Variants in RSBN1 observed in about 807,000 individuals in gnomAD.
The protein encoded by RSBN1 is round spermatid basic protein 1, also known as lysine-specific demethylase 9.
Under a neutral mutation model 74.8 loss-of-function variants are expected in RSBN1, and 23 were observed. That is an observed-to-expected ratio of 0.31 (90% CI 0.22 to 0.44). The LOEUF is 0.44. Among genes scored for constraint, RSBN1 ranks in the 20% least tolerant of loss-of-function variants. The pLI is 1.00. For missense variants in RSBN1, 808 were observed against 1,020.9 expected, an observed-to-expected ratio of 0.79 and a Z score of 2.84; for synonymous variants, 407 against 379.6, an observed-to-expected ratio of 1.07 and a Z score of -0.84.
chr1:113,801,963 CTTT>C (rs575070721), intron 1 of RSBN1, among the ~76,000 whole-genome samples: 1 of 144,428 alleles, frequency 6.9e-6, no homozygotes. Flanking sequence ...TTATTAAGTT[CTTT>C]TTTTTTTTTT....
chr1:113,793,181 A>C (rs975296869), intron 2 of RSBN1, among the ~76,000 whole-genome samples: 12 of 152,206 alleles, frequency 7.9e-5, no homozygotes, highest in Non-Finnish European at 1.5e-4. Flanking sequence ...ATTCTGATTC[A>C]GAAAATCTGG....
chr1:113,811,413 C>A (rs972191853), intron 1 of RSBN1, among the ~76,000 whole-genome samples: 4 of 152,122 alleles, frequency 2.6e-5, no homozygotes, highest in Non-Finnish European at 5.9e-5. Context: ...TTTTAGTACC[C>A]CACCTACTAA....
At chr1:113,779,852 C>T (rs1660102487) in intron 2 of RSBN1, among the ~76,000 whole-genome samples, 1 of 150,402 alleles carries the variant, frequency 6.6e-6, no homozygotes, top group African/African-American at 2.4e-5. Context: ...GAAATCCCGT[C>T]TCTACTAAAA....
chr1:113,794,097 C>A (rs142322501), intron 2 of RSBN1, among the ~76,000 whole-genome samples: 1 of 152,192 alleles, frequency 6.6e-6, no homozygotes, highest in Non-Finnish European at 1.5e-5. Flanking sequence ...TGACCAGCAT[C>A]GCCATCCACC....
Position 113,779,981 on chromosome 1 carries a change from C to A in RSBN1, c.1378-2173G>T, listed in dbSNP as rs1021202591. ...TTTGCAGTGAGCCAAGATCGTGCCA[C>A]TGCACTCCAGCCTGGGCGACAGGGC... On this transcript the variant is annotated intron_variant, in intron 2 of 6. Coordinates refer to ENST00000261441, the MANE Select transcript of RSBN1 (RefSeq NM_018364.5). 7.9e-5 allele frequency among the ~76,000 whole-genome samples: 12 copies of A among 151,942 alleles called. No homozygotes were observed. In the Middle Eastern group the frequency reaches 0.01, roughly 129 times the overall value.
Position 113,797,771 on chromosome 1 carries a change from A to G in RSBN1, c.969T>C (p.Gly323=). 1 of 1,614,108 alleles carries G rather than the reference A, an allele frequency of 6.2e-7. No homozygotes were observed. Among genetic ancestry groups the G allele is most frequent in the Non-Finnish European group, 8.5e-7 (1 of 1,179,992 alleles). ...CCTGGGGTACCCGATATTCTTGCAT[A>G]CCCAAATTTAATCGGCACAGCTGTT... ...KDEQLCRLNL[G]MQEYRVPQGV... The change falls in exon 2 of 7, where the codon GGT becomes GGC. Residue 323 remains glycine, a synonymous_variant. Coordinates refer to ENST00000261441, the MANE Select transcript of RSBN1 (RefSeq NM_018364.5).
rs552112876 is a variant in RSBN1 at position 113,773,173 on chromosome 1, TA to T, written c.1658+4036del. On this transcript the variant is annotated intron_variant, in intron 4 of 6. Transcript: ENST00000261441. ...AAATAGAAACATGTATAAAGGAAAT[TA>T]AAAGGAAATCACCAAAGACAAAATA... is the stretch of plus-strand genomic sequence containing the variant. Among the ~76,000 whole-genome samples the T allele has an allele frequency of 1.0e-3, 157 of 152,048 alleles. 2 individuals carry two copies. In the South Asian group the frequency reaches 0.032, roughly 31 times the overall value.
chr1:113,776,965 G>A (rs1483778575), intron 4 of RSBN1, among the ~76,000 whole-genome samples: 2 of 152,154 alleles, frequency 1.3e-5, no homozygotes, highest in East Asian at 3.8e-4. Context: ...ACACTAAGGG[G>A]TTTGATCTTT....
chr1:113,807,395 T>C (rs1486907117), intron 1 of RSBN1, among the ~76,000 whole-genome samples: 1 of 143,996 alleles, frequency 6.9e-6, no homozygotes, highest in Non-Finnish European at 1.5e-5. Flanking sequence ...TGGGAGAAAA[T>C]ATGTGCAAAC....
chr1:113,778,985 A>G (rs187506716), intron 2 of RSBN1, among the ~76,000 whole-genome samples: 1 of 152,226 alleles, frequency 6.6e-6, no homozygotes, highest in East Asian at 1.9e-4. Flanking sequence ...GTAATCTCCA[A>G]TTTAGAGTTT....
intron 4 of RSBN1, among the ~76,000 whole-genome samples, chr1:113,774,969 A>C (rs1261876361): frequency 2.0e-5 from 3 of 152,222 alleles, no homozygotes; most frequent in African/African-American, 4.8e-5. Context: ...ATTTTGTAAA[A>C]AGATTATTTA....
chr1:113,802,351 A>C (rs1195653635), intron 1 of RSBN1, among the ~76,000 whole-genome samples: 1 of 152,156 alleles, frequency 6.6e-6, no homozygotes, highest in Non-Finnish European at 1.5e-5. Flanking sequence ...GTTCGTAAAA[A>C]TCACAGTAGA....
chr1:113,779,653 C>T (rs1341236807), intron 2 of RSBN1, among the ~76,000 whole-genome samples: 1 of 152,170 alleles, frequency 6.6e-6, no homozygotes, highest in Non-Finnish European at 1.5e-5. Context: ...CCTTTCTAAG[C>T]ACTCTAAAAC....
At chr1:113,805,541 A>C (rs574301252) in intron 1 of RSBN1, among the ~76,000 whole-genome samples, 2 of 152,354 alleles carry the variant, frequency 1.3e-5, no homozygotes, top group Admixed American at 6.5e-5. Context: ...GCATAGCAGA[A>C]AGAGAGGTCA....
chr1:113,776,810 C>CAAAAA (rs58152175), intron 4 of RSBN1, among the ~76,000 whole-genome samples: 1 of 90,258 alleles, frequency 1.1e-5, no homozygotes, highest in Admixed American at 1.3e-4. Flanking sequence ...GACCCTATCT[C>CAAAAA]AAAAAAAAAA....
At chr1:113,784,121 A>C (rs576359467) in intron 2 of RSBN1, among the ~76,000 whole-genome samples, 11 of 152,328 alleles carry the variant, frequency 7.2e-5, no homozygotes, top group East Asian at 1.9e-4. Flanking sequence ...AAAGTATTTC[A>C]AAAGTATTTA....
intron 3 of RSBN1, 54 bp from the exon 4 acceptor site, chr1:113,777,406 T>A: frequency 6.5e-7 from 1 of 1,540,118 alleles, no homozygotes; most frequent in East Asian, 2.3e-5. Context: ...GATTTATAAG[T>A]TAATCCTCCC....
intron 1 of RSBN1, among the ~76,000 whole-genome samples, chr1:113,801,171 C>A (rs1302625974): frequency 6.6e-6 from 1 of 151,906 alleles, no homozygotes; most frequent in African/African-American, 2.4e-5. Flanking sequence ...TTAGTAGAGA[C>A]AGGGTTTCAC....
intron 2 of RSBN1, among the ~76,000 whole-genome samples, chr1:113,797,151 C>G (rs190111141): frequency 3.3e-5 from 5 of 152,122 alleles, no homozygotes; most frequent in Non-Finnish European, 4.4e-5. Context: ...TGATGTATAA[C>G]ATGTATAAAG....
Sources: gnomAD v4.1 joint callset for allele counts (sites outside exome capture counted in the v4.1 genomes callset) on GRCh38, gnomAD v4.1.1 for gene constraint, MANE v1.5 for transcripts, NCBI Gene and HGNC (gene_info 2026-07-23, HGNC 2026-07-21) for gene names.